The following HAO2 variants were observed in gnomAD, a reference collection of about 807,000 sequenced individuals.
HAO2 encodes 2-Hydroxyacid oxidase 2.
A neutral mutation model predicts 37.4 loss-of-function variants in HAO2; 42 were observed. The ratio of observed to expected loss-of-function variants is 1.12; its 90% CI spans 0.88 to 1.45. The LOEUF is 1.45. Among genes scored for constraint, HAO2 ranks in the 40% most tolerant of loss-of-function variants. The pLI, the probability that HAO2 is intolerant of heterozygous loss-of-function variation, is 0.00. For synonymous variants in HAO2, 180 were observed against 162.8 expected (o/e 1.11, Z -0.81); for missense variants, 476 against 430.2 (o/e 1.11, Z -0.94).
intron 5 of HAO2, among the ~76,000 whole-genome samples, chr1:119,389,361 G>A (rs1348062617): frequency 6.7e-6 from 1 of 150,302 alleles, no homozygotes; most frequent in Non-Finnish European, 1.5e-5. Flanking sequence ...GTTCTATAAG[G>A]AATCTCCACA....
chr1:119,390,747 A>G (rs1476747686), intron 5 of HAO2, among the ~76,000 whole-genome samples: 1 of 152,188 alleles, frequency 6.6e-6, no homozygotes, highest in Non-Finnish European at 1.5e-5. Flanking sequence ...CAGCTGACTT[A>G]TCCTTTCCCC....
At chr1:119,380,800 T>C (rs1194879860) in intron 1 of HAO2, 1 of 910,046 alleles carries the variant, frequency 1.1e-6, no homozygotes, top group Non-Finnish European at 1.8e-6. Context: ...TAAGGTGGTG[T>C]GTGTACAGTG....
At position 119,383,019 on chromosome 1, in the gene HAO2, G is replaced by C. The variant is rs138185648; in HGVS notation, c.236G>C (p.Gly79Ala). 19 of 1,613,132 alleles carry C rather than the reference G, an allele frequency of 1.2e-5. No individual in the cohort carries two copies. The highest frequency in any genetic ancestry group is 1.5e-5 in the Non-Finnish European group (18 of 1,179,568). ...GCCCCTATTTGTATCGCACCCACAGGGTTCCACTGCCTTGTCTGGCCTGAT... is the reference window on the plus strand; with the variant it reads ...GCCCCTATTTGTATCGCACCCACAGCGTTCCACTGCCTTGTCTGGCCTGAT... ...ISAPICIAPT[G>A]FHCLVWPDGE... Residue 79 changes from glycine to alanine, a missense_variant, in exon 3 of 8, where the codon GGG becomes GCG. Transcript: ENST00000325945.
In HAO2 at chr1:119,380,679, A is replaced by T. The variant is rs587763310; in HGVS notation, c.-8-399A>T. On this transcript the variant is annotated intron_variant, in intron 1 of 7. Transcript: ENST00000325945. Reference sequence around the variant, plus strand: ...ATGATCAGCCTTGAACTTTAGGAAGATCCCAGGAAGCTGATGGAAGACAAG... The same window carrying T: ...ATGATCAGCCTTGAACTTTAGGAAGTTCCCAGGAAGCTGATGGAAGACAAG... 32 of 1,595,300 alleles carry T rather than the reference A, an allele frequency of 2.0e-5. No individual in the cohort carries two copies. In the East Asian group the frequency reaches 5.1e-4, roughly 26 times the overall value.
intron 1 of HAO2, among the ~76,000 whole-genome samples, chr1:119,371,758 C>G (rs1649036370): frequency 6.6e-6 from 1 of 152,174 alleles, no homozygotes; most frequent in African/African-American, 2.4e-5. Context: ...GCAATTTACA[C>G]AGTGCATGGT....
intron 1 of HAO2, among the ~76,000 whole-genome samples, chr1:119,370,844 C>T (rs138631047): frequency 1.3e-5 from 2 of 152,292 alleles, no homozygotes; most frequent in African/African-American, 2.4e-5. Context: ...CCATCCCCAA[C>T]TGCTCTGCCT....
At chr1:119,392,041 T>C in intron 5 of HAO2, 69 bp from the exon 6 acceptor site, 1 of 1,416,852 alleles carries the variant, frequency 7.1e-7, no homozygotes, top group Admixed American at 2.1e-5. Flanking sequence ...TTCCTGGTCA[T>C]ATGCCAGGAA....
intron 1 of HAO2, among the ~76,000 whole-genome samples, chr1:119,373,230 G>A (rs1195421916): frequency 2.0e-5 from 3 of 152,180 alleles, no homozygotes; most frequent in Admixed American, 6.5e-5. Context: ...GGGTCAGAAG[G>A]AGTAGAGGTG....
chr1:119,393,390 T>C (rs587674045), intron 7 of HAO2, among the ~76,000 whole-genome samples: 70 of 152,262 alleles, frequency 4.6e-4, no homozygotes, highest in African/African-American at 1.6e-3. Flanking sequence ...AAGGCAATTG[T>C]CATGTGGAAT....
At chr1:119,381,324 A>T in intron 2 of HAO2, 108 bp downstream of exon 2, 1 of 788,522 alleles carries the variant, frequency 1.3e-6, no homozygotes, top group South Asian at 1.6e-5. Flanking sequence ...AGATCACTCA[A>T]GACCTAATAA....
At chr1:119,381,849 G>T (rs1051511352) in intron 2 of HAO2, among the ~76,000 whole-genome samples, 1 of 152,174 alleles carries the variant, frequency 6.6e-6, no homozygotes, top group African/African-American at 2.4e-5. Flanking sequence ...ATTATATGAA[G>T]TTCAAATTTT....
At chr1:119,390,670 G>A (rs587703608) in intron 5 of HAO2, among the ~76,000 whole-genome samples, 1 of 152,264 alleles carries the variant, frequency 6.6e-6, no homozygotes, top group East Asian at 1.9e-4. Context: ...TTTACCTTAG[G>A]GTGAGGCTTT....
Position 119,382,989 on chromosome 1 carries a change from T to G in HAO2, c.206T>G (p.Ile69Ser), listed in dbSNP as rs374052103. The part of the protein sequence containing the change: ...DTRTTIQGEE[I>S]SAPICIAPTG... Reference sequence around the variant, plus strand: ...AGAACCACAATCCAAGGGGAGGAGATCAGTGCCCCTATTTGTATCGCACCC... The same window carrying G: ...AGAACCACAATCCAAGGGGAGGAGAGCAGTGCCCCTATTTGTATCGCACCC... Residue 69 changes from isoleucine (I) to serine (S), a missense_variant, in exon 3 of 8, where the codon ATC becomes AGC. By Grantham distance (142) the Ile-to-Ser change is moderately radical. Coordinates refer to ENST00000325945, the MANE Select transcript of HAO2 (RefSeq NM_016527.4). 135 of 1,612,846 alleles carry G rather than the reference T, an allele frequency of 8.4e-5. No individual in the cohort carries two copies. Among genetic ancestry groups the G allele is most frequent in the Admixed American group, 1.2e-4 (7 of 59,980 alleles).
intron 5 of HAO2, among the ~76,000 whole-genome samples, chr1:119,388,865 G>T (rs1029216965): frequency 2.0e-5 from 3 of 151,402 alleles, no homozygotes; most frequent in Non-Finnish European, 4.4e-5. Flanking sequence ...AGATTTTGGT[G>T]CAACCATCAC....
At chr1:119,381,922 G>A (rs1001426528) in intron 2 of HAO2, among the ~76,000 whole-genome samples, 4 of 152,064 alleles carry the variant, frequency 2.6e-5, no homozygotes, top group Non-Finnish European at 5.9e-5. Context: ...ATTGTTTATG[G>A]CTGCTTTTGC....
chr1:119,377,223 T>C (rs932465460), intron 1 of HAO2, among the ~76,000 whole-genome samples: 1 of 152,210 alleles, frequency 6.6e-6, no homozygotes, highest in Non-Finnish European at 1.5e-5. Context: ...TTCTGCCAGA[T>C]ACTCTAAATC....
intron 2 of HAO2, 24 bp downstream of exon 2, chr1:119,381,240 A>G: frequency 1.9e-6 from 3 of 1,589,854 alleles, no homozygotes; most frequent in Non-Finnish European, 2.6e-6. Flanking sequence ...TAGCCTGTCT[A>G]TTGTTAGGTT....
intron 1 of HAO2, among the ~76,000 whole-genome samples, chr1:119,371,091 T>C (rs974088122): frequency 3.3e-5 from 5 of 152,188 alleles, no homozygotes; most frequent in Non-Finnish European, 5.9e-5. Flanking sequence ...TTTGTGGGAA[T>C]TGACCAAGCT....
chr1:119,386,575 T>C (rs1202975415), intron 4 of HAO2, 47 bp from the exon 5 acceptor site: 1 of 1,154,222 alleles, frequency 8.7e-7, no homozygotes, highest in South Asian at 1.2e-5. Flanking sequence ...ATGCATCAAG[T>C]AGCCTTGTGA....
Sources: allele counts gnomAD v4.1 joint callset (sites outside exome capture counted in the v4.1 genomes callset), GRCh38; gene constraint gnomAD v4.1.1; transcripts MANE v1.5; gene names NCBI Gene and HGNC (gene_info 2026-07-23, HGNC 2026-07-21).